Variants in RASGRF1 observed in about 807,000 individuals in gnomAD.
The protein encoded by RASGRF1 is Ras protein specific guanine nucleotide releasing factor 1, also known as ras-specific guanine nucleotide-releasing factor 1.
A neutral mutation model predicts 138.7 loss-of-function variants in RASGRF1; 40 were observed. That is an observed-to-expected ratio of 0.29 (90% CI 0.22 to 0.38). The LOEUF is 0.38. Ranked by LOEUF, RASGRF1 falls within the 10% of genes least tolerant of loss-of-function variation. RASGRF1 has a pLI of 1.00. For synonymous variants in RASGRF1, 614 were observed against 663.2 expected, an observed-to-expected ratio of 0.93 and a Z score of 1.14; for missense variants, 1,108 against 1,650.4, an observed-to-expected ratio of 0.67 and a Z score of 5.69.
intron 19 of RASGRF1, among the ~76,000 whole-genome samples, chr15:78,997,455 G>A (rs561574867): frequency 2.6e-5 from 4 of 152,230 alleles, no homozygotes; most frequent in South Asian, 2.1e-4. Context: ...AGCCAAGGCC[G>A]GGCATAGTGG....
Position 78,973,965 on chromosome 15 carries a change from A to G in RASGRF1, c.3495-545T>C, listed in dbSNP as rs1269949215. On this transcript the variant is annotated intron_variant, in intron 24 of 26. Transcript: ENST00000558480. This position sits in a 1 kb window ranked among gnomAD's most constrained non-coding sequence, Gnocchi z 4.9. Reference sequence around the variant, plus strand: ...AAGCACTGGGCTTGGGTGCCAGGGCAGGAAACCCTTGCTCTCTGAGATCAC... The same window carrying G: ...AAGCACTGGGCTTGGGTGCCAGGGCGGGAAACCCTTGCTCTCTGAGATCAC... Among the ~76,000 whole-genome samples, 1 of 152,210 alleles carries G rather than the reference A, an allele frequency of 6.6e-6. No homozygotes were observed. The highest frequency in any genetic ancestry group is 1.5e-5 in the Non-Finnish European group (1 of 68,022).
chr15:79,069,331 T>G (rs944501654), intron 1 of RASGRF1, among the ~76,000 whole-genome samples: 1 of 152,314 alleles, frequency 6.6e-6, no homozygotes, highest in African/African-American at 2.4e-5. Flanking sequence ...GCAAGCAACC[T>G]TTGTGGGCAC....
intron 24 of RASGRF1, among the ~76,000 whole-genome samples, chr15:78,974,343 C>T (rs2055830994): frequency 6.6e-6 from 1 of 152,198 alleles, no homozygotes; most frequent in South Asian, 2.1e-4. Context: ...GACCCTTATT[C>T]CCAGCCCATC....
At chr15:78,976,032 C>T (rs867549425) in intron 24 of RASGRF1, among the ~76,000 whole-genome samples, 1 of 152,152 alleles carries the variant, frequency 6.6e-6, no homozygotes. Context: ...GAAGGGAGAA[C>T]GGGAGGCCTG....
At chr15:79,083,482 C>G (rs896421986) in intron 1 of RASGRF1, among the ~76,000 whole-genome samples, 9 of 152,224 alleles carry the variant, frequency 5.9e-5, no homozygotes, top group African/African-American at 1.9e-4. Flanking sequence ...TGGTGCGCTT[C>G]CCATCAATGC....
rs546787987 is a variant in RASGRF1, at chr15:79,030,930, A to G, written c.1262+470T>C. On this transcript the variant is annotated intron_variant, in intron 8 of 26. Coordinates refer to ENST00000558480, the MANE Select transcript of RASGRF1 (RefSeq NM_001145648.3). ...AAAGAGGGCCAGGTGAGGGGCCTTG[A>G]CCAGAGGACAGGGGCACTAGATTGG... Among the ~76,000 whole-genome samples the G allele has an allele frequency of 3.3e-5, 5 of 152,124 alleles. No homozygotes were observed. In the South Asian group the frequency reaches 1.0e-3, roughly 32 times the overall value.
intron 10 of RASGRF1, among the ~76,000 whole-genome samples, chr15:79,024,866 GAC>G (rs929863766): frequency 1.3e-5 from 2 of 150,168 alleles, no homozygotes; most frequent in Non-Finnish European, 2.9e-5. Flanking sequence ...AACACATACA[GAC>G]ACACACACAT....
chr15:79,049,376 G>T (rs1595938462), intron 4 of RASGRF1, 120 bp downstream of exon 4: 6 of 886,318 alleles, frequency 6.8e-6, no homozygotes, highest in Non-Finnish European at 1.1e-5. Context: ...TGGAGCTGAG[G>T]TTGGGGGATG....
intron 13 of RASGRF1, among the ~76,000 whole-genome samples, chr15:79,011,507 C>T (rs1163194844): frequency 6.6e-6 from 1 of 152,178 alleles, no homozygotes; most frequent in Non-Finnish European, 1.5e-5. Flanking sequence ...AAGTCAGCCA[C>T]CCATTGGCAA....
chr15:78,991,658 C>CG (rs758830910), intron 21 of RASGRF1, 33 bp downstream of exon 21: 4 of 1,550,550 alleles, frequency 2.6e-6, no homozygotes, highest in Non-Finnish European at 3.6e-6. Context: ...CCTGAGGAAG[C>CG]GGGGGGAGGC....
chr15:79,001,586 T>C, intron 16 of RASGRF1, 76 bp downstream of exon 16: 1 of 1,508,780 alleles, frequency 6.6e-7, no homozygotes, highest in Non-Finnish European at 9.1e-7. Context: ...GACACCCACT[T>C]GCCTTGACTC....
At chr15:79,041,197 A>G (rs2057293146) in intron 5 of RASGRF1, among the ~76,000 whole-genome samples, 2 of 152,244 alleles carry the variant, frequency 1.3e-5, no homozygotes, top group Non-Finnish European at 2.9e-5. Context: ...ATTGTAATAT[A>G]GCCACACTCA....
intron 25 of RASGRF1, among the ~76,000 whole-genome samples, chr15:78,972,890 T>C (rs16970390): frequency 0.075 from 11,349 of 152,158 alleles, 1,067 homozygotes; most frequent in African/African-American, 0.22. Context: ...CAAGTGTCGA[T>C]ACGAACAATA....
chr15:79,014,927 A>C (rs1213447382), intron 13 of RASGRF1, among the ~76,000 whole-genome samples: 1 of 140,410 alleles, frequency 7.1e-6, no homozygotes, highest in African/African-American at 3.1e-5. Flanking sequence ...AAAAAAACAA[A>C]AAACAAAAAA....
In RASGRF1 at chr15:79,027,647, C is replaced by T. The variant is rs1296472102; in HGVS notation, c.1381+94G>A. On this transcript the variant is annotated intron_variant, in intron 9 of 26. Coordinates refer to ENST00000558480, the MANE Select transcript of RASGRF1 (RefSeq NM_001145648.3). This position sits in a 1 kb window ranked among gnomAD's most constrained non-coding sequence, Gnocchi z 4.8. ...ATTGGCAGGTCTTGGCATGTGGCAG[C>T]CAAACCAACTGGTGGCGTCCCCGAG... 14 of 1,178,882 alleles carry T rather than the reference C, an allele frequency of 1.2e-5. No homozygotes were observed. Among genetic ancestry groups the T allele is most frequent in the Non-Finnish European group, 1.7e-5 (14 of 808,184 alleles). 73.0% of individuals were successfully genotyped at this position (1,178,882 alleles called of 1,614,324 possible).
intron 1 of RASGRF1, among the ~76,000 whole-genome samples, chr15:79,084,630 G>A (rs574962483): frequency 6.6e-6 from 1 of 152,296 alleles, no homozygotes; most frequent in South Asian, 2.1e-4. Context: ...GTGGGGCTCC[G>A]CTGGTTTCTG....
At chr15:79,015,018 G>A (rs567721243) in intron 13 of RASGRF1, among the ~76,000 whole-genome samples, 9 of 150,716 alleles carry the variant, frequency 6.0e-5, no homozygotes, top group African/African-American at 1.9e-4. Context: ...CTGGGGTGAC[G>A]GGTGCACCAA....
intron 19 of RASGRF1, 197 bp downstream of exon 19, chr15:78,997,899 G>A: frequency 1.7e-6 from 1 of 587,990 alleles, no homozygotes; most frequent in South Asian, 2.0e-5. Context: ...GGGGAGAGAG[G>A]AAAGAAGGAC....
At chr15:79,078,890 A>G (rs988624322) in intron 1 of RASGRF1, among the ~76,000 whole-genome samples, 1 of 152,248 alleles carries the variant, frequency 6.6e-6, no homozygotes, top group African/African-American at 2.4e-5. Context: ...CTGCGGCCAG[A>G]GACTGACCTC....
Sources: allele counts gnomAD v4.1 joint callset (sites outside exome capture counted in the v4.1 genomes callset), GRCh38; gene constraint gnomAD v4.1.1; non-coding constraint Gnocchi (gnomAD v3.1); transcripts MANE v1.5; gene names NCBI Gene and HGNC (gene_info 2026-07-23, HGNC 2026-07-21).